SMURF2: variants seen among roughly 807,000 people sequenced by gnomAD.
SMURF2 encodes the protein SMAD specific E3 ubiquitin protein ligase 2.
Under a neutral mutation model 109.6 loss-of-function variants are expected in SMURF2, and 48 were observed. The observed-to-expected ratio is 0.44, with a 90% CI of 0.35 to 0.56. SMURF2 has a LOEUF of 0.56. Among genes scored for constraint, SMURF2 ranks in the 20% least tolerant of loss-of-function variants. The pLI, the probability that SMURF2 is intolerant of heterozygous loss-of-function variation, is 0.01. For missense variants in SMURF2, 575 were observed against 909.0 expected, an observed-to-expected ratio of 0.63 and a Z score of 4.72; for synonymous variants, 288 against 317.1, an observed-to-expected ratio of 0.91 and a Z score of 0.97.
Position 64,547,637 on chromosome 17 carries a change from G to T in SMURF2, c.2034C>A (p.Ser678=). The T allele has an allele frequency of 6.2e-7, 1 of 1,613,946 alleles. No individual in the cohort carries two copies. The highest frequency in any genetic ancestry group is 8.5e-7 in the Non-Finnish European group (1 of 1,180,000). The change falls in exon 17 of 19, where the codon TCC becomes TCA. Residue 678 remains serine (S), a synonymous_variant. Transcript: ENST00000262435. This position sits in a 1 kb window ranked among gnomAD's most constrained non-coding sequence, Gnocchi z 4.2. ...RARLLQFVTG[S]SRVPLQGFKA... The stretch of plus-strand genomic sequence containing the variant: ...TGAAGCCCTGCAGAGGCACTCGAGA[G>T]GATCCTGTCACAAACTGAAGCAATC...
chr17:64,593,570 A>T lies in SMURF2; in HGVS notation c.204T>A (p.Tyr68Ter). The T allele has an allele frequency of 6.5e-7, 1 of 1,547,386 alleles. No homozygotes were observed. Among genetic ancestry groups the T allele is most frequent in the Non-Finnish European group, 8.8e-7 (1 of 1,141,714 alleles). The change falls in exon 4 of 19, where the codon TAT becomes TAA. Residue 68 changes from tyrosine (Y) to a stop codon, truncating the protein, a stop_gained. Coordinates refer to ENST00000262435, the MANE Select transcript of SMURF2 (RefSeq NM_022739.4). LOFTEE classifies it high-confidence loss of function. Reference sequence around the variant, plus strand: ...TCGTAACTGAATCAGACTTTCCAATATACCTAAAAAACAAAACGGCTGCAT... The same window carrying T: ...TCGTAACTGAATCAGACTTTCCAATTTACCTAAAAAACAAAACGGCTGCAT... ...DPKWNQHYDL[Y>*]IGKSDSVTIS...
At chr17:64,658,481 T>G (rs573569153) in intron 1 of SMURF2, among the ~76,000 whole-genome samples, 4 of 152,332 alleles carry the variant, frequency 2.6e-5, no homozygotes, top group South Asian at 4.1e-4. Context: ...CGCTAGCATA[T>G]CTAAAGGGAA....
At chr17:64,562,504 C>T (rs1232718530) in intron 11 of SMURF2, among the ~76,000 whole-genome samples, 4 of 151,116 alleles carry the variant, frequency 2.6e-5, no homozygotes, top group African/African-American at 7.3e-5. Flanking sequence ...CTCAGCCTCC[C>T]GAGTAGCTGG....
chr17:64,558,870 G>A (rs1969166133), intron 12 of SMURF2, among the ~76,000 whole-genome samples: 1 of 152,160 alleles, frequency 6.6e-6, no homozygotes, highest in African/African-American at 2.4e-5. Flanking sequence ...GCTAGGGAAG[G>A]TTATTTAAAT....
At chr17:64,652,988 T>A (rs1970659410) in intron 1 of SMURF2, among the ~76,000 whole-genome samples, 1 of 152,036 alleles carries the variant, frequency 6.6e-6, no homozygotes, top group African/African-American at 2.4e-5. Flanking sequence ...GAGAAAATCT[T>A]TAGAACTCTG....
intron 9 of SMURF2, among the ~76,000 whole-genome samples, chr17:64,575,087 G>T (rs1156921603): frequency 6.7e-6 from 1 of 148,202 alleles, no homozygotes; most frequent in Non-Finnish European, 1.5e-5. Context: ...TTAGGCCCTT[G>T]GATTTTTTTT....
chr17:64,557,827 A>G, intron 12 of SMURF2, 105 bp from the exon 13 acceptor site: 1 of 606,920 alleles, frequency 1.6e-6, no homozygotes. Context: ...TAAATTAATA[A>G]AAGGCAAAAA....
intron 1 of SMURF2, among the ~76,000 whole-genome samples, chr17:64,645,043 G>A (rs1021417733): frequency 4.0e-5 from 6 of 151,464 alleles, no homozygotes; most frequent in South Asian, 2.1e-4. Context: ...GAGTAGATTC[G>A]ACAGGAAGAC....
At chr17:64,576,041 C>T (rs78583124) in intron 9 of SMURF2, among the ~76,000 whole-genome samples, 5,972 of 151,860 alleles carry the variant, frequency 0.039, 474 homozygotes, top group African/African-American at 0.14. Flanking sequence ...CCCATCTCTA[C>T]TAAAAATACA....
rs782675721 is a variant in SMURF2, at chr17:64,591,141, A to G, written c.343T>C (p.Leu115=). ...TTTGGCCCGAGTTTGCATAAATCCA[A>G]CCTCTGATCTATTTGAAGTCAACAA... ...NRLKDTGYQR[L]DLCKLGPNDN... Residue 115 remains leucine, a synonymous_variant, in exon 5 of 19, where the codon TTG becomes CTG. Transcript: ENST00000262435. 3.7e-6 allele frequency: 6 copies of G among 1,612,448 alleles called. No homozygotes were observed. The highest frequency in any genetic ancestry group is 5.1e-6 in the Non-Finnish European group (6 of 1,179,308).
In SMURF2 at chr17:64,552,734, C is replaced by T. The variant is rs564955220; in HGVS notation, c.1749-1030G>A. Among the ~76,000 whole-genome samples the T allele has an allele frequency of 2.0e-5, 3 of 152,254 alleles. No homozygotes were observed. In the East Asian group the frequency reaches 5.8e-4, roughly 29 times the overall value. On this transcript the variant is annotated intron_variant, in intron 15 of 18. Coordinates refer to ENST00000262435, the MANE Select transcript of SMURF2 (RefSeq NM_022739.4). ...TTTTAATTTATATTAGGTGGAGTCTCGTTCTGTCACCCAGGCTGGAATACA... is the reference window on the plus strand; with the variant it reads ...TTTTAATTTATATTAGGTGGAGTCTTGTTCTGTCACCCAGGCTGGAATACA...
At chr17:64,573,609 T>TA (rs1171107754) in intron 9 of SMURF2, among the ~76,000 whole-genome samples, 85 of 151,780 alleles carry the variant, frequency 5.6e-4, no homozygotes, top group African/African-American at 1.9e-3. Flanking sequence ...CCTCAAATTT[T>TA]AAAAAAAAGG....
At chr17:64,645,996 C>CA (rs1402920661) in intron 1 of SMURF2, among the ~76,000 whole-genome samples, 4 of 150,134 alleles carry the variant, frequency 2.7e-5, no homozygotes, top group Middle Eastern at 3.2e-3. Flanking sequence ...AGTTAGATGC[C>CA]AAAAAAAATT....
intron 1 of SMURF2, among the ~76,000 whole-genome samples, chr17:64,658,441 G>A (rs1598321366): frequency 6.6e-6 from 1 of 152,150 alleles, no homozygotes; most frequent in East Asian, 1.9e-4. Context: ...GCCTTGAATC[G>A]ATAAAATATG....
At chr17:64,653,339 T>C (rs1344054680) in intron 1 of SMURF2, among the ~76,000 whole-genome samples, 2 of 151,970 alleles carry the variant, frequency 1.3e-5, no homozygotes, top group South Asian at 2.1e-4. Context: ...TAAAGTACCA[T>C]GAAATATCTG....
intron 1 of SMURF2, among the ~76,000 whole-genome samples, chr17:64,638,061 T>C (rs1568205869): frequency 1.4e-5 from 2 of 140,170 alleles, no homozygotes; most frequent in African/African-American, 5.9e-5. Flanking sequence ...TTTTCCTTTT[T>C]CTTTTTTTTT....
At chr17:64,645,272 A>G (rs1970544905) in intron 1 of SMURF2, among the ~76,000 whole-genome samples, 1 of 152,258 alleles carries the variant, frequency 6.6e-6, no homozygotes, top group South Asian at 2.1e-4. Context: ...AATTTGAAGA[A>G]AAAGAAAATT....
chr17:64,591,509 T>C (rs1555687715), intron 4 of SMURF2, among the ~76,000 whole-genome samples: 1 of 152,226 alleles, frequency 6.6e-6, no homozygotes, highest in Non-Finnish European at 1.5e-5. Context: ...GGTCAACAAA[T>C]GTTAGTTGTC....
intron 4 of SMURF2, among the ~76,000 whole-genome samples, chr17:64,591,573 A>G (rs1256697286): frequency 1.3e-5 from 2 of 152,232 alleles, no homozygotes; most frequent in Non-Finnish European, 2.9e-5. Context: ...AAAAGTATTC[A>G]TAAGAAGCCA....
Sources: allele counts gnomAD v4.1 joint callset (sites outside exome capture counted in the v4.1 genomes callset), GRCh38; gene constraint gnomAD v4.1.1; non-coding constraint Gnocchi (gnomAD v3.1); transcripts MANE v1.5; gene names NCBI Gene and HGNC (gene_info 2026-07-23, HGNC 2026-07-21).